The following LARS1 variants were observed in gnomAD, a reference collection of about 807,000 sequenced individuals.
LARS1 encodes leucyl-tRNA synthetase 1.
In LARS1, 100 loss-of-function variants were observed where a neutral mutation model predicts 162.8. The ratio of observed to expected loss-of-function variants is 0.61; its 90% CI spans 0.52 to 0.73. The LOEUF (loss-of-function observed/expected upper bound fraction) is 0.73, where lower values mean the gene tolerates loss of function less well. LARS1 is among the 30% of genes least tolerant of loss of function. The pLI, the probability that LARS1 is intolerant of heterozygous loss-of-function variation, is 0.00. For missense variants in LARS1, 1,258 were observed against 1,408.9 expected, an observed-to-expected ratio of 0.89 and a Z score of 1.71; for synonymous variants, 457 against 462.8, an observed-to-expected ratio of 0.99 and a Z score of 0.16.
intron 20 of LARS1, among the ~76,000 whole-genome samples, chr5:146,141,429 C>T (rs571642461): frequency 2.0e-5 from 3 of 152,236 alleles, no homozygotes; most frequent in Non-Finnish European, 2.9e-5. Context: ...AAAATTGGTG[C>T]AAAGGAATGA....
At chr5:146,153,116 C>G in intron 13 of LARS1, 58 bp downstream of exon 13, 1 of 1,330,194 alleles carries the variant, frequency 7.5e-7, no homozygotes, top group East Asian at 2.3e-5. Context: ...CATGTTAGCT[C>G]TTCTTTTTCT....
chr5:146,117,719 G>A (rs1180492507), intron 31 of LARS1, among the ~76,000 whole-genome samples: 1 of 152,158 alleles, frequency 6.6e-6, no homozygotes, highest in African/African-American at 2.4e-5. Context: ...AAGTTCTGAG[G>A]ATGAAGCTAT....
intron 6 of LARS1, among the ~76,000 whole-genome samples, chr5:146,160,783 T>C (rs1200270172): frequency 6.6e-6 from 1 of 152,208 alleles, no homozygotes; most frequent in Non-Finnish European, 1.5e-5. Context: ...CTTGGGCTTC[T>C]TCATATTCTT....
In LARS1 at chr5:146,160,405, T is replaced by C; in HGVS notation, c.676A>G (p.Arg226Gly). The change falls in exon 7 of 32, where the codon AGA becomes GGA. Residue 226 changes from arginine (R) to glycine (G), a missense_variant. Physicochemically the swap from Arg to Gly is moderately radical, Grantham distance 125. Transcript: ENST00000394434. ...SFVRWQFLTL[R>G]ERNKIKFGKR... Reference sequence around the variant, plus strand: ...CCAAATTTAATTTTGTTTCTTTCTCTTAATGTTAAAAATTGCCATCTGACA... The same window carrying C: ...CCAAATTTAATTTTGTTTCTTTCTCCTAATGTTAAAAATTGCCATCTGACA... 1 of 1,574,866 alleles carries C rather than the reference T, an allele frequency of 6.3e-7. No homozygotes were observed. The highest frequency in any genetic ancestry group is 8.6e-7 in the Non-Finnish European group (1 of 1,160,556).
intron 15 of LARS1, among the ~76,000 whole-genome samples, chr5:146,147,699 T>C (rs1753076670): frequency 6.6e-6 from 1 of 152,070 alleles, no homozygotes; most frequent in African/African-American, 2.4e-5. Context: ...AGAGGTTCAA[T>C]ATCTGAATGA....
chr5:146,128,660 T>G lies in LARS1; in HGVS notation c.2880+12A>C. 6 of 1,529,444 alleles carry G rather than the reference T, an allele frequency of 3.9e-6. No individual in the cohort carries two copies. The highest frequency in any genetic ancestry group is 4.4e-6 in the Non-Finnish European group (5 of 1,140,836). The allele number at this position is 1,529,444 out of a possible 1,614,324, so 94.7% of individuals were successfully genotyped here. On this transcript the variant is annotated intron_variant, in intron 27 of 31. Coordinates refer to ENST00000394434, the MANE Select transcript of LARS1 (RefSeq NM_020117.11). ...ACACCATCAGGGGGGAAAAGTCTAC[T>G]GAGAGCATCACCTCAAAGTGTTTAC...
chr5:146,130,449 T>C, intron 24 of LARS1: 1 of 365,748 alleles, frequency 2.7e-6, no homozygotes, highest in South Asian at 3.2e-5. Flanking sequence ...GTGACTGCTC[T>C]TAGCAGCATA....
intron 5 of LARS1, among the ~76,000 whole-genome samples, chr5:146,167,297 TATC>T (rs1754054396): frequency 6.6e-6 from 1 of 152,210 alleles, no homozygotes; most frequent in Admixed American, 6.5e-5. Context: ...TGAAAAATAG[TATC>T]ATAGTTATAT....
chr5:146,140,923 AAAC>A (rs1213918227), intron 20 of LARS1, among the ~76,000 whole-genome samples: 1 of 152,234 alleles, frequency 6.6e-6, no homozygotes, highest in Non-Finnish European at 1.5e-5. Flanking sequence ...ATACATGTGA[AAAC>A]AAGACAGAAC....
At chr5:146,121,885 T>C (rs1258068880) in intron 30 of LARS1, among the ~76,000 whole-genome samples, 1 of 152,048 alleles carries the variant, frequency 6.6e-6, no homozygotes, top group Non-Finnish European at 1.5e-5. Context: ...AGATGACGGG[T>C]AGATGGGTGC....
chr5:146,177,533 A>T lies in LARS1; in HGVS notation c.125+14T>A. On this transcript the variant is annotated intron_variant, in intron 2 of 31. Transcript: ENST00000394434. ...AGAAATACAATGTGCAGAACTTCAC[A>T]AACTATTACTCACCTGGTCTGTTTC... The T allele has an allele frequency of 9.3e-7, 1 of 1,072,850 alleles. No individual in the cohort carries two copies. The highest frequency in any genetic ancestry group is 1.4e-6 in the Non-Finnish European group (1 of 719,972). 66.5% of individuals were successfully genotyped at this position (1,072,850 alleles called of 1,614,324 possible). A position where few individuals can be genotyped will look rare whatever the true frequency, so the allele number is the denominator to read the frequency against.
chr5:146,156,451 T>C (rs1367162124), intron 10 of LARS1, among the ~76,000 whole-genome samples: 2 of 152,130 alleles, frequency 1.3e-5, no homozygotes, highest in African/African-American at 4.8e-5. Flanking sequence ...CCCTGCACTT[T>C]GGGAGGCCGA....
In LARS1 at chr5:146,157,713, CT is replaced by C; in HGVS notation, c.839+14del. ...TGGTTCAGAAATGATAAAGCAATTACTCTGGCAAACCTACCTTAATTTAGAT... is the reference window on the plus strand; with the variant it reads ...TGGTTCAGAAATGATAAAGCAATTACCTGGCAAACCTACCTTAATTTAGAT... On this transcript the variant is annotated intron_variant, in intron 9 of 31. Coordinates refer to ENST00000394434, the MANE Select transcript of LARS1 (RefSeq NM_020117.11). The C allele has an allele frequency of 6.2e-7, 1 of 1,613,958 alleles. No homozygotes were observed. The highest frequency in any genetic ancestry group is 1.7e-5 in the Admixed American group (1 of 60,010).
intron 31 of LARS1, among the ~76,000 whole-genome samples, chr5:146,119,342 C>G (rs964453415): frequency 1.3e-5 from 2 of 152,082 alleles, no homozygotes; most frequent in Non-Finnish European, 2.9e-5. Context: ...GAAACAACTT[C>G]GAGAGAACAC....
chr5:146,162,173 C>T (rs1370958824), intron 6 of LARS1, among the ~76,000 whole-genome samples: 1 of 152,170 alleles, frequency 6.6e-6, no homozygotes, highest in Non-Finnish European at 1.5e-5. Flanking sequence ...AACAATGAAT[C>T]CTTTCCAGAA....
intron 7 of LARS1, 148 bp from the exon 8 acceptor site, chr5:146,159,618 T>C (rs1225448428): frequency 1.2e-5 from 7 of 594,292 alleles, no homozygotes; most frequent in Non-Finnish European, 2.1e-5. Context: ...ACTCTTATGG[T>C]AGTTCCACTG....
chr5:146,126,576 G>GAA, intron 27 of LARS1, 31 bp from the exon 28 acceptor site: 1 of 1,481,942 alleles, frequency 6.7e-7, no homozygotes, highest in South Asian at 1.1e-5. Context: ...GAGTAATGTA[G>GAA]AAAAAAAAGT....
intron 28 of LARS1, 43 bp from the exon 29 acceptor site, chr5:146,124,129 A>G (rs1751948611): frequency 8.7e-7 from 1 of 1,144,666 alleles, no homozygotes; most frequent in Admixed American, 1.7e-5. Flanking sequence ...CACAGTAAGA[A>G]TATGTTGGAA....
Position 146,125,640 on chromosome 5 carries a change from A to T in LARS1, c.2991+795T>A, listed in dbSNP as rs146193941. ...AAAAATCCTGTAGCCCAGAAAATTT[A>T]AGTGATTTGTCCAAGGTCTCAAAAC... On this transcript the variant is annotated intron_variant, in intron 28 of 31. Coordinates refer to ENST00000394434, the MANE Select transcript of LARS1 (RefSeq NM_020117.11). Among the ~76,000 whole-genome samples the T allele has an allele frequency of 2.5e-4, 38 of 152,090 alleles. 1 individual carries two copies. In the East Asian group the frequency reaches 6.9e-3, roughly 28 times the overall value.
Sources: gnomAD v4.1 joint callset for allele counts (sites outside exome capture counted in the v4.1 genomes callset) on GRCh38, gnomAD v4.1.1 for gene constraint, MANE v1.5 for transcripts, NCBI Gene and HGNC (gene_info 2026-07-23, HGNC 2026-07-21) for gene names.